The following RASGEF1C variants were observed in gnomAD, a reference collection of about 807,000 sequenced individuals.
RASGEF1C encodes RasGEF domain family member 1C.
Under a neutral mutation model 58.1 loss-of-function variants are expected in RASGEF1C, and 27 were observed. The observed-to-expected ratio is 0.46, with a 90% confidence interval of 0.34 to 0.64. The LOEUF is 0.64. Among genes scored for constraint, RASGEF1C ranks in the 30% least tolerant of loss-of-function variants. The pLI is 0.01. For missense variants in RASGEF1C, 502 were observed against 605.1 expected (o/e 0.83, Z 1.79); for synonymous variants, 243 against 246.3 (o/e 0.99, Z 0.13).
intron 1 of RASGEF1C, among the ~76,000 whole-genome samples, chr5:180,152,549 A>T (rs1435190173): frequency 6.8e-4 from 76 of 111,878 alleles, no homozygotes; most frequent in Admixed American, 7.8e-4. Flanking sequence ...AACATCACAC[A>T]CCGGGGCCTG....
intron 1 of RASGEF1C, among the ~76,000 whole-genome samples, chr5:180,152,491 C>T (rs1484576929): frequency 1.4e-5 from 2 of 144,532 alleles, no homozygotes; most frequent in Non-Finnish European, 3.0e-5. Context: ...CATGTTCTCA[C>T]TCATAGGTGG....
At chr5:180,107,079 T>C (rs987595992) in intron 12 of RASGEF1C, among the ~76,000 whole-genome samples, 6 of 152,234 alleles carry the variant, frequency 3.9e-5, no homozygotes, top group Admixed American at 1.3e-4. Flanking sequence ...TTAATATTGC[T>C]ACTCTTGCTT....
At chr5:180,160,123 C>CTTTGCTACT (rs879493315) in intron 1 of RASGEF1C, among the ~76,000 whole-genome samples, 2 of 152,378 alleles carry the variant, frequency 1.3e-5, no homozygotes, top group Admixed American at 1.3e-4. Context: ...AAAGGTCTCT[C>CTTTGCTACT]TGGATGCCAC....
At chr5:180,136,263 A>G in intron 4 of RASGEF1C, 115 bp downstream of exon 4, 1 of 1,099,198 alleles carries the variant, frequency 9.1e-7, no homozygotes, top group Non-Finnish European at 1.3e-6. Flanking sequence ...CTGGATTTGG[A>G]CGGGCCGTGG....
chr5:180,108,377 AT>A (rs1291210377), intron 12 of RASGEF1C, among the ~76,000 whole-genome samples: 1 of 151,202 alleles, frequency 6.6e-6, no homozygotes, highest in East Asian at 2.0e-4. Flanking sequence ...AATTTTTTGT[AT>A]TTTTAGTAGA....
intron 10 of RASGEF1C, chr5:180,115,169 C>T (rs1766042478): frequency 3.1e-6 from 1 of 325,052 alleles, no homozygotes; most frequent in Non-Finnish European, 6.2e-6. Context: ...CACCTGCTGC[C>T]ACGCCCGGCT....
intron 12 of RASGEF1C, among the ~76,000 whole-genome samples, chr5:180,111,215 G>T (rs1449629633): frequency 1.3e-5 from 2 of 152,168 alleles, no homozygotes; most frequent in Non-Finnish European, 2.9e-5. Flanking sequence ...TGTGTCCGGG[G>T]AGGAGCCTGG....
intron 12 of RASGEF1C, among the ~76,000 whole-genome samples, chr5:180,105,578 G>T (rs1214902107): frequency 7.3e-6 from 1 of 137,696 alleles, no homozygotes; most frequent in Non-Finnish European, 1.6e-5. Flanking sequence ...AAAAAAAGAA[G>T]TAAAATAGGC....
At chr5:180,173,171 T>G (rs1195435856) in intron 1 of RASGEF1C, among the ~76,000 whole-genome samples, 1 of 152,254 alleles carries the variant, frequency 6.6e-6, no homozygotes, top group Non-Finnish European at 1.5e-5. Flanking sequence ...ATTTACACAC[T>G]GGGGCCTTTC....
At chr5:180,110,392 CT>C (rs67020657) in intron 12 of RASGEF1C, among the ~76,000 whole-genome samples, 175 of 132,230 alleles carry the variant, frequency 1.3e-3, no homozygotes, top group Middle Eastern at 4.0e-3. Flanking sequence ...ATCCTTCTCC[CT>C]TTTTTTTTTT....
chr5:180,158,724 G>A lies in RASGEF1C; in HGVS notation c.-6-20666C>T, dbSNP rs181489999. On this transcript the variant is annotated intron_variant, in intron 1 of 13. Transcript: ENST00000361132. The surrounding 1 kb of genome is among the most constrained non-coding windows in gnomAD (Gnocchi z 4.0). ...AAGTCTTTTGAAATTTCACAAGGAC[G>A]CACCTTGACACGGGCCTTTCTATGT... Among the ~76,000 whole-genome samples, 6 of 152,284 alleles carry A rather than the reference G, an allele frequency of 3.9e-5. No individual in the cohort carries two copies. The East Asian group carries it at 7.7e-4, about 20-fold the overall frequency.
intron 1 of RASGEF1C, among the ~76,000 whole-genome samples, chr5:180,179,158 C>A (rs991744552): frequency 5.3e-5 from 8 of 152,102 alleles, no homozygotes; most frequent in South Asian, 2.1e-4. Flanking sequence ...CTGCATTCTG[C>A]GCAGATTGGG....
chr5:180,175,670 T>TA (rs2113316819), intron 1 of RASGEF1C, among the ~76,000 whole-genome samples: 1 of 152,344 alleles, frequency 6.6e-6, no homozygotes, highest in African/African-American at 2.4e-5. Flanking sequence ...CAAGAATATC[T>TA]ATGAGCTCTA....
chr5:180,107,842 G>GA (rs1765895875), intron 12 of RASGEF1C, among the ~76,000 whole-genome samples: 1 of 152,124 alleles, frequency 6.6e-6, no homozygotes, highest in South Asian at 2.1e-4. Context: ...GGCTGGTCTC[G>GA]AATTCCTGGC....
intron 1 of RASGEF1C, among the ~76,000 whole-genome samples, chr5:180,154,194 C>G (rs1208053221): frequency 6.6e-6 from 1 of 152,160 alleles, no homozygotes; most frequent in East Asian, 1.9e-4. Context: ...TGTCTGGAGC[C>G]TCAGCTGGCC....
chr5:180,160,425 C>T (rs570993755), intron 1 of RASGEF1C, among the ~76,000 whole-genome samples: 9 of 152,306 alleles, frequency 5.9e-5, no homozygotes, highest in African/African-American at 1.7e-4. Flanking sequence ...GTGGGCTCCA[C>T]GCTGCAGAGG....
In RASGEF1C at chr5:180,117,732, G is replaced by T. The variant is rs112888445; in HGVS notation, c.1083+877C>A. On this transcript the variant is annotated intron_variant, in intron 10 of 13. Transcript: ENST00000361132. The stretch of plus-strand genomic sequence containing the variant: ...GCTGTGGCTGGGCGCAGTGGCTCAC[G>T]CATGTAATCCCAGCACTTTGGGAGG... Among the ~76,000 whole-genome samples, 329 of 152,246 alleles carry T rather than the reference G, an allele frequency of 2.2e-3. 2 individuals are homozygous for T. The highest frequency in any genetic ancestry group is 6.9e-3 in the African/African-American group (287 of 41,526).
chr5:180,127,732 G>A (rs1766288115), intron 5 of RASGEF1C, 49 bp from the exon 6 acceptor site: 2 of 1,573,284 alleles, frequency 1.3e-6, no homozygotes, highest in Non-Finnish European at 1.7e-6. Context: ...TATGGGGAGG[G>A]GGTGTCCACT....
chr5:180,131,544 C>T (rs1348737218), intron 4 of RASGEF1C, among the ~76,000 whole-genome samples: 1 of 152,206 alleles, frequency 6.6e-6, no homozygotes, highest in Admixed American at 6.5e-5. Context: ...TGATTCTGTT[C>T]ACGTGCATCT....
Sources: gnomAD v4.1 joint callset for allele counts (sites outside exome capture counted in the v4.1 genomes callset) on GRCh38, gnomAD v4.1.1 for gene constraint, Gnocchi (gnomAD v3.1) non-coding constraint, MANE v1.5 for transcripts, NCBI Gene and HGNC (gene_info 2026-07-23, HGNC 2026-07-21) for gene names.